The following EYS variants were observed in gnomAD, a reference collection of about 807,000 sequenced individuals.
EYS encodes the protein EGF-like photoreceptor maintenance factor.
A neutral mutation model predicts 282.1 loss-of-function variants in EYS; 250 were observed. The observed-to-expected ratio is 0.89, with a 90% CI of 0.80 to 0.98. The LOEUF is 0.98. Ranked by LOEUF, EYS falls within the 50% of genes least tolerant of loss-of-function variation. The pLI, the probability that EYS is intolerant of heterozygous loss-of-function variation, is 0.00. For missense variants in EYS, 4,016 were observed against 3,709.0 expected (o/e 1.08, Z -2.15); for synonymous variants, 1,355 against 1,282.9 (o/e 1.06, Z -1.20).
intron 31 of EYS, among the ~76,000 whole-genome samples, chr6:64,083,762 C>T (rs1772053416): frequency 6.6e-6 from 1 of 152,108 alleles, no homozygotes; most frequent in East Asian, 1.9e-4. Flanking sequence ...TTTTTTGAGA[C>T]AGTCTTGCTT....
In EYS at chr6:64,436,241, C is replaced by T. The variant is rs1242952739; in HGVS notation, c.5860G>A (p.Ala1954Thr). Reference protein sequence around the residue: ...LKYHFYCPGEAKFKSINTTVR... With the variant: ...LKYHFYCPGETKFKSINTTVR... ...GTAGTATTAATGCTTTTAAATTTTG[C>T]TTCACCAGGACAGTAAAAGTGGTAC... The change falls in exon 28 of 43, where the codon GCA becomes ACA. Residue 1954 changes from alanine to threonine, a missense_variant. Transcript: ENST00000503581. The T allele has an allele frequency of 1.3e-6, 2 of 1,543,196 alleles. No individual in the cohort carries two copies. The highest frequency in any genetic ancestry group is 1.4e-5 in the African/African-American group (1 of 72,760).
intron 36 of EYS, among the ~76,000 whole-genome samples, chr6:63,858,951 G>A (rs573053436): frequency 2.0e-5 from 3 of 152,090 alleles, no homozygotes; most frequent in African/African-American, 7.2e-5. Context: ...TCGTGTCCCT[G>A]GAGCTCTACT....
At chr6:64,603,334 T>C (rs529069683) in intron 24 of EYS, among the ~76,000 whole-genome samples, 1 of 151,982 alleles carries the variant, frequency 6.6e-6, no homozygotes, top group Non-Finnish European at 1.5e-5. Flanking sequence ...TTCAAGAGCA[T>C]AATCCCACAG....
At chr6:63,948,378 T>G (rs1765461380) in intron 35 of EYS, among the ~76,000 whole-genome samples, 1 of 152,230 alleles carries the variant, frequency 6.6e-6, no homozygotes, top group Non-Finnish European at 1.5e-5. Context: ...TGCTTCTCCA[T>G]TTCTTTGTCT....
intron 12 of EYS, among the ~76,000 whole-genome samples, chr6:65,062,140 G>C (rs1773595414): frequency 6.6e-6 from 1 of 151,772 alleles, no homozygotes; most frequent in Non-Finnish European, 1.5e-5. Context: ...AATTTCTCCA[G>C]TCCCAGGAAC....
At chr6:65,299,879 AAC>A (rs1021783798) in intron 11 of EYS, among the ~76,000 whole-genome samples, 8 of 151,750 alleles carry the variant, frequency 5.3e-5, no homozygotes, top group African/African-American at 1.5e-4. Flanking sequence ...CTTACCCCAA[AAC>A]ACACACACAC....
chr6:64,306,168 C>T (rs1769437693), intron 30 of EYS, among the ~76,000 whole-genome samples: 1 of 152,004 alleles, frequency 6.6e-6, no homozygotes, highest in Non-Finnish European at 1.5e-5. Context: ...AACTGTGAGG[C>T]TCAAGTCATC....
chr6:64,759,066 G>A (rs11962295), intron 22 of EYS, among the ~76,000 whole-genome samples: 3,598 of 152,270 alleles, frequency 0.024, 142 homozygotes, highest in African/African-American at 0.079. Flanking sequence ...GTGAACCCGG[G>A]AGGCGAAGCT....
intron 19 of EYS, among the ~76,000 whole-genome samples, chr6:64,831,529 T>C (rs368089988): frequency 8.5e-5 from 13 of 152,106 alleles, no homozygotes; most frequent in East Asian, 3.9e-4. Context: ...CAGTAGTCCT[T>C]AGAGGTTTGG....
chr6:63,764,675 G>A (rs1039700124), intron 40 of EYS, among the ~76,000 whole-genome samples: 3 of 151,686 alleles, frequency 2.0e-5, no homozygotes, highest in African/African-American at 7.3e-5. Context: ...AGTGTTATGG[G>A]AATAAAACAC....
intron 37 of EYS, among the ~76,000 whole-genome samples, chr6:63,798,609 T>C (rs180864762): frequency 8.3e-4 from 126 of 152,296 alleles, no homozygotes; most frequent in Admixed American, 4.6e-3. Context: ...TTCTGCCTGA[T>C]CCCTACCAGG....
intron 12 of EYS, among the ~76,000 whole-genome samples, chr6:65,193,497 A>G (rs1241279562): frequency 2.0e-5 from 3 of 151,896 alleles, no homozygotes; most frequent in Non-Finnish European, 4.4e-5. Flanking sequence ...ATCATGGAGT[A>G]TAAGTGATGA....
At chr6:64,808,838 T>C (rs983942594) in intron 22 of EYS, among the ~76,000 whole-genome samples, 3 of 152,056 alleles carry the variant, frequency 2.0e-5, no homozygotes, top group Non-Finnish European at 2.9e-5. Context: ...TAATAAAATG[T>C]TTTCATGAGA....
Position 64,541,632 on chromosome 6 carries a change from G to T in EYS, c.5644+48591C>A, listed in dbSNP as rs9451952. ...ATATTTTCCCTTCCCTTCCATATTTGCTATTCTTTCAACTTTGCCATTCAC... is the reference window on the plus strand; with the variant it reads ...ATATTTTCCCTTCCCTTCCATATTTTCTATTCTTTCAACTTTGCCATTCAC... On this transcript the variant is annotated intron_variant, in intron 26 of 42. Transcript: ENST00000503581. Among the ~76,000 whole-genome samples the T allele has an allele frequency of 6.8e-3, 1,021 of 150,762 alleles. 16 individuals carry two copies. The highest frequency in any genetic ancestry group is 0.024 in the African/African-American group (979 of 41,014).
At chr6:64,000,168 C>CA (rs1768014947) in intron 33 of EYS, among the ~76,000 whole-genome samples, 1 of 42,716 alleles carries the variant, frequency 2.3e-5, no homozygotes, top group Non-Finnish European at 4.4e-5. Flanking sequence ...AGACATGGGA[C>CA]TTTTTTTTTT....
Position 64,724,753 on chromosome 6 carries a change from G to A in EYS, c.3443+88625C>T, listed in dbSNP as rs182156838. Among the ~76,000 whole-genome samples, 442 of 152,078 alleles carry A rather than the reference G, an allele frequency of 2.9e-3. 1 individual carries two copies. Among genetic ancestry groups the A allele is most frequent in the African/African-American group, 9.9e-3 (409 of 41,512 alleles). On this transcript the variant is annotated intron_variant, in intron 22 of 42. Coordinates refer to ENST00000503581, the MANE Select transcript of EYS (RefSeq NM_001142800.2). ...TGAAAGGATGAAACCATTTAATAAA[G>A]GTTAAAAAATAGCATTTGTGAGTCA... is the stretch of plus-strand genomic sequence containing the variant.
At chr6:64,256,660 T>A (rs187913677) in intron 30 of EYS, among the ~76,000 whole-genome samples, 1 of 152,052 alleles carries the variant, frequency 6.6e-6, no homozygotes, top group Non-Finnish European at 1.5e-5. Flanking sequence ...GGGGCCTGCC[T>A]GTATGATGCC....
chr6:64,528,455 G>C (rs914955226), intron 26 of EYS, among the ~76,000 whole-genome samples: 1 of 151,778 alleles, frequency 6.6e-6, no homozygotes, highest in African/African-American at 2.4e-5. Flanking sequence ...AGCCTAGTAG[G>C]GGGCTCTGTC....
chr6:64,295,811 T>C (rs995162782), intron 30 of EYS, among the ~76,000 whole-genome samples: 19 of 152,066 alleles, frequency 1.2e-4, no homozygotes, highest in African/African-American at 4.3e-4. Flanking sequence ...ATTCGAACTT[T>C]CAAGCATATT....
Sources: gnomAD v4.1 joint callset for allele counts (sites outside exome capture counted in the v4.1 genomes callset) on GRCh38, gnomAD v4.1.1 for gene constraint, MANE v1.5 for transcripts, NCBI Gene and HGNC (gene_info 2026-07-23, HGNC 2026-07-21) for gene names.